Variants in PRR5L observed in about 807,000 individuals in gnomAD.
PRR5L encodes proline-rich protein 5-like.
In PRR5L, 21 loss-of-function variants were observed where a neutral mutation model predicts 36.4. The ratio of observed to expected loss-of-function variants is 0.58; its 90% CI spans 0.41 to 0.83. The LOEUF (loss-of-function observed/expected upper bound fraction) is 0.83, where lower values mean the gene tolerates loss of function less well. PRR5L is among the 40% of genes least tolerant of loss of function. The pLI is 0.00. For synonymous variants in PRR5L, 188 were observed against 197.0 expected (o/e 0.95, Z 0.38); for missense variants, 381 against 473.3 (o/e 0.80, Z 1.81).
At chr11:36,387,203 G>T (rs1185046187) in intron 1 of PRR5L, among the ~76,000 whole-genome samples, 1 of 151,862 alleles carries the variant, frequency 6.6e-6, no homozygotes, top group African/African-American at 2.4e-5. Context: ...TCATTCATAG[G>T]TGGGAATTGA....
At position 36,464,818 on chromosome 11, in the gene PRR5L, T is replaced by C. The variant is rs1381829688; in HGVS notation, c.*2082T>C. 6.6e-6 allele frequency: 1 copy of C among 152,204 alleles called. No homozygotes were observed. Among genetic ancestry groups the C allele is most frequent in the African/African-American group, 2.4e-5 (1 of 41,440 alleles). 9.4% of individuals were successfully genotyped at this position (152,204 alleles called of 1,614,324 possible). ...ATGTCCCTGATGAGGAGAGCAGTCA[T>C]CAATTAAATATATAAGCTCTTAAAA... is the stretch of plus-strand genomic sequence containing the variant. On this transcript the variant is annotated 3_prime_UTR_variant, in exon 9 of 9. Transcript: ENST00000530639.
chr11:36,299,261 G>T (rs1856347579), intron 1 of PRR5L, among the ~76,000 whole-genome samples: 1 of 152,172 alleles, frequency 6.6e-6, no homozygotes, highest in Non-Finnish European at 1.5e-5. Flanking sequence ...CATCTCTCTT[G>T]TATTTTGGGA....
intron 1 of PRR5L, among the ~76,000 whole-genome samples, chr11:36,360,617 G>A (rs1278926824): frequency 6.6e-6 from 1 of 152,218 alleles, no homozygotes; most frequent in African/African-American, 2.4e-5. Flanking sequence ...GCGTATGTGT[G>A]TGCATGCATA....
chr11:36,364,112 A>T (rs1443052089), intron 1 of PRR5L, among the ~76,000 whole-genome samples: 2 of 152,156 alleles, frequency 1.3e-5, no homozygotes, highest in Non-Finnish European at 2.9e-5. Flanking sequence ...GACTTTGGGC[A>T]AGTTACTTAC....
At chr11:36,413,583 A>G (rs1045577961) in intron 3 of PRR5L, among the ~76,000 whole-genome samples, 2 of 148,348 alleles carry the variant, frequency 1.3e-5, no homozygotes, top group Admixed American at 6.7e-5. Flanking sequence ...CCTTAAAGAT[A>G]AGTATTAGTA....
chr11:36,349,024 C>T (rs1285388058), intron 1 of PRR5L, among the ~76,000 whole-genome samples: 2 of 152,170 alleles, frequency 1.3e-5, no homozygotes, highest in Non-Finnish European at 2.9e-5. Context: ...GTAGCTCACA[C>T]CTGTAATCCC....
intron 1 of PRR5L, among the ~76,000 whole-genome samples, chr11:36,337,660 G>A (rs866595213): frequency 1.1e-4 from 17 of 152,210 alleles, no homozygotes; most frequent in Middle Eastern, 3.4e-3. Context: ...GCCTCCTTGC[G>A]TCCTTCCTGC....
At chr11:36,353,959 A>G (rs149697630) in intron 1 of PRR5L, among the ~76,000 whole-genome samples, 1 of 152,294 alleles carries the variant, frequency 6.6e-6, no homozygotes, top group East Asian at 1.9e-4. Flanking sequence ...GAGAAAGGGA[A>G]AAAGGAGAGA....
chr11:36,383,846 C>T lies in PRR5L; in HGVS notation c.-125-17151C>T, dbSNP rs1233877784. 2.0e-5 allele frequency among the ~76,000 whole-genome samples: 3 copies of T among 152,030 alleles called. No individual in the cohort carries two copies. The East Asian group carries it at 5.8e-4, about 29-fold the overall frequency. ...CAGTAGCTGGAATTACAGGCGCCTG[C>T]CACCACGCCCAGCTAATTTTTGTAT... is the stretch of plus-strand genomic sequence containing the variant. On this transcript the variant is annotated intron_variant, in intron 1 of 8. Coordinates refer to ENST00000530639, the MANE Select transcript of PRR5L (RefSeq NM_001160167.2).
At chr11:36,406,340 G>A (rs1857911731) in intron 3 of PRR5L, among the ~76,000 whole-genome samples, 1 of 151,978 alleles carries the variant, frequency 6.6e-6, no homozygotes, top group Non-Finnish European at 1.5e-5. Flanking sequence ...CCCAGAATAA[G>A]CCAAAGCTTA....
rs12287929 is a variant in PRR5L, at chr11:36,315,776, G to T, written c.-126+19338G>T. 5.6e-3 allele frequency among the ~76,000 whole-genome samples: 847 copies of T among 152,342 alleles called. 9 individuals are homozygous for T. Among genetic ancestry groups the T allele is most frequent in the African/African-American group, 0.019 (806 of 41,574 alleles). ...AAGCTTGCAGCAAATTTAATGTGAT[G>T]TTGTAAAGGATATGCAAAAACCAAT... On this transcript the variant is annotated intron_variant, in intron 1 of 8. Coordinates refer to ENST00000530639, the MANE Select transcript of PRR5L (RefSeq NM_001160167.2).
chr11:36,435,000 G>C (rs563077177), intron 5 of PRR5L, among the ~76,000 whole-genome samples: 6 of 152,074 alleles, frequency 3.9e-5, no homozygotes, highest in African/African-American at 1.4e-4. Context: ...GACCTGCAAG[G>C]TTCTCTCTTC....
At chr11:36,299,671 A>G (rs188332123) in intron 1 of PRR5L, among the ~76,000 whole-genome samples, 3 of 152,196 alleles carry the variant, frequency 2.0e-5, no homozygotes, top group African/African-American at 4.8e-5. Context: ...TGGAAGAGGA[A>G]TCTGGAGCTC....
intron 1 of PRR5L, among the ~76,000 whole-genome samples, chr11:36,353,855 C>T (rs1391602388): frequency 1.3e-5 from 2 of 152,066 alleles, no homozygotes; most frequent in Admixed American, 6.5e-5. Flanking sequence ...TGATCCGCTG[C>T]CTGGGGGTTG....
intron 1 of PRR5L, among the ~76,000 whole-genome samples, chr11:36,301,587 G>C (rs1856377429): frequency 6.6e-6 from 1 of 152,136 alleles, no homozygotes; most frequent in Admixed American, 6.5e-5. Flanking sequence ...CTTCCCAGCT[G>C]GAGGAAGTGG....
intron 3 of PRR5L, among the ~76,000 whole-genome samples, chr11:36,416,584 CT>C (rs1354741486): frequency 6.6e-6 from 1 of 152,232 alleles, no homozygotes; most frequent in African/African-American, 2.4e-5. Context: ...CTCATCCCCC[CT>C]GTTACAGCTG....
intron 8 of PRR5L, among the ~76,000 whole-genome samples, chr11:36,457,737 A>C (rs79356492): frequency 0.024 from 3,627 of 152,278 alleles, 71 homozygotes; most frequent in Non-Finnish European, 0.036. Flanking sequence ...GTAGGTACCC[A>C]GTCTCAGAGG....
intron 6 of PRR5L, among the ~76,000 whole-genome samples, chr11:36,441,426 C>T (rs746457846): frequency 6.6e-6 from 1 of 152,240 alleles, no homozygotes; most frequent in Non-Finnish European, 1.5e-5. Context: ...CCAAAATAGT[C>T]TTTGACCCCA....
In PRR5L at chr11:36,403,462, G is replaced by GGTTT. The variant is rs199601390; in HGVS notation, c.245+85_245+88dup. On this transcript the variant is annotated intron_variant, in intron 3 of 8. Coordinates refer to ENST00000530639, the MANE Select transcript of PRR5L (RefSeq NM_001160167.2). Reference sequence around the variant, plus strand: ...GGGCTACCGCCTTAGGAGCCTTAAGGGTTTTTTTTTTTTTTTTCCTGCTTG... The same window carrying GGTTT: ...GGGCTACCGCCTTAGGAGCCTTAAGGGTTTGTTTTTTTTTTTTTTTTCCTGCTTG... 9.8e-3 allele frequency: 8,956 copies of GGTTT among 911,320 alleles called. 29 individuals carry two copies. Among genetic ancestry groups the GGTTT allele is most frequent in the African/African-American group, 0.014 (592 of 41,956 alleles). The allele number at this position is 911,320 out of a possible 1,614,324, so 56.5% of individuals were successfully genotyped here. A position where few individuals can be genotyped will look rare whatever the true frequency, so the allele number is the denominator to read the frequency against.
Sources: gnomAD v4.1 joint callset for allele counts (sites outside exome capture counted in the v4.1 genomes callset) on GRCh38, gnomAD v4.1.1 for gene constraint, MANE v1.5 for transcripts, NCBI Gene and HGNC (gene_info 2026-07-23, HGNC 2026-07-21) for gene names.